Variants in CFI observed in about 807,000 individuals in gnomAD.
CFI encodes the protein complement factor I, also known as C3B/C4B inactivator.
A neutral mutation model predicts 78.8 loss-of-function variants in CFI; 66 were observed. That is an observed-to-expected ratio of 0.84 (90% CI 0.69 to 1.03). CFI has a LOEUF of 1.03. Ranked by LOEUF, CFI falls within the 50% of genes least tolerant of loss-of-function variation. CFI has a pLI of 0.00. For synonymous variants in CFI, 250 were observed against 232.6 expected, an observed-to-expected ratio of 1.07 and a Z score of -0.68; for missense variants, 706 against 704.5, an observed-to-expected ratio of 1.00 and a Z score of -0.02.
At chr4:109,777,851 C>T (rs530472868) in intron 1 of CFI, among the ~76,000 whole-genome samples, 20 of 151,502 alleles carry the variant, frequency 1.3e-4, no homozygotes, top group Non-Finnish European at 2.2e-4. Flanking sequence ...CTCAACTACA[C>T]GGAAACTGAA....
At chr4:109,780,066 A>AT (rs1306690827) in intron 1 of CFI, among the ~76,000 whole-genome samples, 1 of 152,210 alleles carries the variant, frequency 6.6e-6, no homozygotes, top group African/African-American at 2.4e-5. Flanking sequence ...AGGCAACACC[A>AT]TTCAGGCCAT....
chr4:109,767,937 G>T (rs1166283217), intron 1 of CFI, among the ~76,000 whole-genome samples: 2 of 152,020 alleles, frequency 1.3e-5, no homozygotes, highest in Non-Finnish European at 2.9e-5. Flanking sequence ...ATACACCATG[G>T]AATACTATGC....
intron 1 of CFI, among the ~76,000 whole-genome samples, chr4:109,795,483 G>A (rs2125871654): frequency 6.6e-6 from 1 of 152,212 alleles, no homozygotes; most frequent in African/African-American, 2.4e-5. Flanking sequence ...ACTATCCAAG[G>A]AGCACATAAA....
chr4:109,766,511 C>T, intron 2 of CFI, 43 bp downstream of exon 2: 1 of 1,601,354 alleles, frequency 6.2e-7, no homozygotes, highest in African/African-American at 1.3e-5. Flanking sequence ...ATACAAATAC[C>T]CTTTTATATC....
At chr4:109,755,689 T>C (rs181463990) in intron 7 of CFI, among the ~76,000 whole-genome samples, 12 of 152,282 alleles carry the variant, frequency 7.9e-5, no homozygotes, top group East Asian at 7.7e-4. Flanking sequence ...ACCTGCGACC[T>C]TGGACCTCAC....
At chr4:109,749,440 T>TC in intron 9 of CFI, 59 bp downstream of exon 9, 2 of 1,502,078 alleles carry the variant, frequency 1.3e-6, no homozygotes, top group South Asian at 1.1e-5. Flanking sequence ...CCTGCCCCTT[T>TC]CCCCCCAAAT....
chr4:109,795,139 A>G (rs1731899102), intron 1 of CFI, among the ~76,000 whole-genome samples: 1 of 152,220 alleles, frequency 6.6e-6, no homozygotes, highest in East Asian at 1.9e-4. Context: ...CCTTTGGATC[A>G]TGAGCTCTCT....
chr4:109,744,356 G>A (rs1481013593), intron 11 of CFI, among the ~76,000 whole-genome samples: 1 of 152,132 alleles, frequency 6.6e-6, no homozygotes, highest in African/African-American at 2.4e-5. Context: ...AAATATGTGG[G>A]GGAATATGTT....
At chr4:109,755,565 G>A (rs1039390836) in intron 7 of CFI, among the ~76,000 whole-genome samples, 5 of 152,072 alleles carry the variant, frequency 3.3e-5, no homozygotes, top group African/African-American at 1.2e-4. Context: ...GCTGTAGTGA[G>A]AGTGGGCTTG....
At chr4:109,775,543 G>C (rs924242622) in intron 1 of CFI, among the ~76,000 whole-genome samples, 1 of 152,222 alleles carries the variant, frequency 6.6e-6, no homozygotes, top group African/African-American at 2.4e-5. Flanking sequence ...AAGGAGGCCT[G>C]CCTGCCTCTG....
intron 1 of CFI, among the ~76,000 whole-genome samples, chr4:109,796,729 C>T (rs562285606): frequency 6.6e-5 from 10 of 152,234 alleles, no homozygotes; most frequent in South Asian, 4.2e-4. Flanking sequence ...GCACAGGAGG[C>T]GAAGACTGCA....
At chr4:109,779,868 C>T (rs902222647) in intron 1 of CFI, among the ~76,000 whole-genome samples, 1 of 152,110 alleles carries the variant, frequency 6.6e-6, no homozygotes, top group African/African-American at 2.4e-5. Flanking sequence ...AACCTGACAA[C>T]AAGAAATGGG....
intron 1 of CFI, among the ~76,000 whole-genome samples, chr4:109,799,871 G>C (rs1001908848): frequency 6.6e-6 from 1 of 152,090 alleles, no homozygotes; most frequent in Non-Finnish European, 1.5e-5. Flanking sequence ...AATTAGGGAG[G>C]GTATGGGGCA....
the CFI span, among the ~76,000 whole-genome samples, chr4:109,732,064 G>C: frequency 6.6e-6 from 1 of 152,188 alleles, no homozygotes; most frequent in Non-Finnish European, 1.5e-5. Flanking sequence ...ACTTTCAAAA[G>C]AAAGGATAGA....
intron 7 of CFI, among the ~76,000 whole-genome samples, chr4:109,753,982 A>AATAT (rs1030789184): frequency 6.2e-5 from 9 of 144,140 alleles, no homozygotes; most frequent in Non-Finnish European, 1.1e-4. Context: ...TGTATTTTAA[A>AATAT]ATATATATAT....
chr4:109,768,675 C>T (rs754608671), intron 1 of CFI, among the ~76,000 whole-genome samples: 46 of 152,198 alleles, frequency 3.0e-4, no homozygotes, highest in Non-Finnish European at 5.0e-4. Flanking sequence ...CCTGAGGATG[C>T]GCCTCCTGTC....
At chr4:109,784,864 C>T (rs1318958912) in intron 1 of CFI, among the ~76,000 whole-genome samples, 2 of 149,418 alleles carry the variant, frequency 1.3e-5, no homozygotes, top group Non-Finnish European at 3.0e-5. Context: ...GTGACCTGCA[C>T]GTATACATCC....
chr4:109,743,809 G>A (rs1724100329), intron 11 of CFI, among the ~76,000 whole-genome samples: 1 of 151,976 alleles, frequency 6.6e-6, no homozygotes, highest in Non-Finnish European at 1.5e-5. Context: ...ACCATCCTGG[G>A]CAACATGGCA....
rs761687050 is a variant in CFI, at chr4:109,761,611, T to A, written c.564A>T (p.Gly188=). The A allele has an allele frequency of 7.4e-6, 12 of 1,613,882 alleles. 1 individual carries two copies. The South Asian group carries it at 1.3e-4, about 18-fold the overall frequency. Residue 188 remains glycine (G), a synonymous_variant, in exon 4 of 13, where the codon GGA becomes GGT. Coordinates refer to ENST00000394634, the MANE Select transcript of CFI (RefSeq NM_000204.5). ...TACATTCAGCCAAACTGGTCTCTAA[T>A]CCTCGGCAATGCACATGTAGACATT... The part of the protein sequence containing the change: ...STECLHVHCR[G]LETSLAECTF...
Sources: gnomAD v4.1 joint callset for allele counts (sites outside exome capture counted in the v4.1 genomes callset) on GRCh38, gnomAD v4.1.1 for gene constraint, MANE v1.5 for transcripts, NCBI Gene and HGNC (gene_info 2026-07-23, HGNC 2026-07-21) for gene names.